The following DIAPH2 variants were observed in gnomAD, a reference collection of about 807,000 sequenced individuals.
DIAPH2 encodes the protein protein diaphanous homolog 2.
DIAPH2 carries 35 observed loss-of-function variants against 92.7 expected under a neutral mutation model. The ratio of observed to expected loss-of-function variants is 0.38; its 90% CI spans 0.29 to 0.50. The LOEUF (loss-of-function observed/expected upper bound fraction) is 0.50. Among genes scored for constraint, DIAPH2 ranks in the 20% least tolerant of loss-of-function variants. The probability of loss-of-function intolerance (pLI) is 0.94; values close to 1 mark genes in which losing one functional copy is unlikely to be tolerated. For missense variants in DIAPH2, 701 were observed against 819.5 expected (o/e 0.86, Z 1.77); for synonymous variants, 301 against 280.4 (o/e 1.07, Z -0.73).
chrX:97,073,571 A>G (rs190995844), intron 18 of DIAPH2, among the ~76,000 whole-genome samples: 1 of 111,994 alleles, frequency 8.9e-6, no homozygotes, highest in East Asian at 2.8e-4. Context: ...GGACAGTTAA[A>G]CCCATCTTCA....
chrX:96,735,645 T>A, intron 1 of DIAPH2, 113 bp from the exon 2 acceptor site: 1 of 457,440 alleles, frequency 2.2e-6, no homozygotes, highest in Non-Finnish European at 3.7e-6. Flanking sequence ...CTGATTCTTT[T>A]TGACTGTTTA....
intron 22 of DIAPH2, among the ~76,000 whole-genome samples, chrX:97,155,507 G>GA (rs61630390): frequency 3.6e-4 from 34 of 95,415 alleles, no homozygotes; most frequent in East Asian, 6.8e-4. Flanking sequence ...TCTCAAAAAA[G>GA]AAAAAAAAAA....
chrX:97,110,268 T>C (rs1182005738), intron 20 of DIAPH2, among the ~76,000 whole-genome samples: 1 of 111,225 alleles, frequency 9.0e-6, no homozygotes, highest in Non-Finnish European at 1.9e-5. Context: ...TCAATGACCT[T>C]ACCTCCCATA....
intron 17 of DIAPH2, among the ~76,000 whole-genome samples, chrX:96,994,468 A>G (rs2066091871): frequency 8.9e-6 from 1 of 111,910 alleles, no homozygotes; most frequent in African/African-American, 3.3e-5. Context: ...GTAGGCAGTC[A>G]TGTGTAGAAA....
intron 17 of DIAPH2, among the ~76,000 whole-genome samples, chrX:97,005,526 A>G (rs1396305114): frequency 1.8e-5 from 2 of 110,640 alleles, no homozygotes; most frequent in Admixed American, 9.7e-5. Context: ...GGTAGGTTGT[A>G]TGTGTCTAGG....
chrX:97,116,822 T>A (rs2067020201), intron 21 of DIAPH2, among the ~76,000 whole-genome samples: 2 of 111,789 alleles, frequency 1.8e-5, no homozygotes, highest in South Asian at 7.4e-4. Context: ...AATGAATAAG[T>A]CATTTATACA....
chrX:97,190,103 A>G (rs745315279), intron 22 of DIAPH2, among the ~76,000 whole-genome samples: 1 of 113,224 alleles, frequency 8.8e-6, no homozygotes, highest in East Asian at 2.8e-4. Context: ...CTTGGTTTCT[A>G]GGTTTCTCGT....
At chrX:96,860,694 A>C (rs1225033870) in intron 4 of DIAPH2, among the ~76,000 whole-genome samples, 2 of 111,776 alleles carry the variant, frequency 1.8e-5, no homozygotes, top group Admixed American at 9.5e-5. Flanking sequence ...CCTTAATTCC[A>C]AGAGGGCAAT....
chrX:96,953,521 G>A (rs1041980601), intron 15 of DIAPH2: 1 of 112,010 alleles, frequency 8.9e-6, no homozygotes, highest in African/African-American at 3.2e-5. Context: ...GAGAAACAGA[G>A]TAATGTAAGA....
intron 4 of DIAPH2, among the ~76,000 whole-genome samples, chrX:96,833,432 T>C (rs1384941204): frequency 9.0e-6 from 1 of 111,551 alleles, no homozygotes; most frequent in Non-Finnish European, 1.9e-5. Flanking sequence ...TAAATATGTA[T>C]TTTTATTCCT....
chrX:96,942,279 G>A (rs1183922420), intron 13 of DIAPH2, 143 bp downstream of exon 13: 3 of 439,375 alleles, frequency 6.8e-6, no homozygotes, highest in Non-Finnish European at 1.2e-5. Flanking sequence ...GTGTCTCTGG[G>A]CACTCAATTG....
rs1422181203 is a variant in DIAPH2 at position 97,249,413 on chromosome X, C to T, written c.2844+1574C>T. Among the ~76,000 whole-genome samples, 3 of 111,836 alleles carry T rather than the reference C, an allele frequency of 2.7e-5. No homozygotes were observed. The East Asian group carries it at 8.4e-4, about 31-fold the overall frequency. ...GAATGGTTATTCTTCATTTAAGTGGCACTAAAGTGTGACTATTTGTCCACA... is the reference window on the plus strand; with the variant it reads ...GAATGGTTATTCTTCATTTAAGTGGTACTAAAGTGTGACTATTTGTCCACA... On this transcript the variant is annotated intron_variant, in intron 23 of 26. Coordinates refer to ENST00000324765, the MANE Select transcript of DIAPH2 (RefSeq NM_006729.5).
chrX:97,593,273 G>A (rs2071529058), intron 26 of DIAPH2, among the ~76,000 whole-genome samples: 2 of 111,236 alleles, frequency 1.8e-5, no homozygotes, highest in Non-Finnish European at 3.8e-5. Context: ...TAATCTCAAT[G>A]TCAATGGAAC....
intron 9 of DIAPH2, among the ~76,000 whole-genome samples, chrX:96,930,267 C>G (rs1346214485): frequency 9.1e-6 from 1 of 110,270 alleles, no homozygotes; most frequent in East Asian, 2.8e-4. Flanking sequence ...GAGTTTAAAT[C>G]AATGTAATAA....
chrX:97,529,155 A>G (rs1290647808), intron 26 of DIAPH2: 1 of 111,615 alleles, frequency 9.0e-6, no homozygotes, highest in Non-Finnish European at 1.9e-5. Context: ...TTTGGTAACT[A>G]CTTATATTGT....
chrX:97,144,860 G>C (rs1470928120), intron 22 of DIAPH2, among the ~76,000 whole-genome samples: 4 of 111,562 alleles, frequency 3.6e-5, no homozygotes, highest in African/African-American at 1.3e-4. Flanking sequence ...TGCCTCCCGC[G>C]CTCAAGCAAT....
chrX:97,293,355 C>T (rs1299257654), intron 23 of DIAPH2, among the ~76,000 whole-genome samples: 9 of 105,694 alleles, frequency 8.5e-5, no homozygotes, highest in Admixed American at 4.2e-4. Flanking sequence ...CAGGTTCAGG[C>T]CATTCTCCTG....
chrX:97,187,551 C>G (rs1232544505), intron 22 of DIAPH2, among the ~76,000 whole-genome samples: 2 of 110,044 alleles, frequency 1.8e-5, no homozygotes, highest in Admixed American at 2.0e-4. Flanking sequence ...GCTGGGATTA[C>G]AGGCGTGAGC....
chrX:96,881,451 A>G, intron 4 of DIAPH2, 128 bp from the exon 5 acceptor site: 1 of 519,991 alleles, frequency 1.9e-6, no homozygotes, highest in East Asian at 4.0e-5. Flanking sequence ...CAATTCTGTG[A>G]TCAAGAATTT....
Sources: gnomAD v4.1 joint callset for allele counts (sites outside exome capture counted in the v4.1 genomes callset) on GRCh38, gnomAD v4.1.1 for gene constraint, MANE v1.5 for transcripts, NCBI Gene and HGNC (gene_info 2026-07-23, HGNC 2026-07-21) for gene names.